DCLK2: variants seen among roughly 807,000 people sequenced by gnomAD.
The protein encoded by DCLK2 is serine/threonine-protein kinase DCLK2.
In DCLK2, 31 loss-of-function variants were observed where a neutral mutation model predicts 78.4. The observed-to-expected ratio is 0.40, with a 90% CI of 0.30 to 0.53. The LOEUF (loss-of-function observed/expected upper bound fraction) is 0.53. DCLK2 is among the 20% of genes least tolerant of loss of function. The pLI is 0.61. For synonymous variants in DCLK2, 407 were observed against 374.9 expected (o/e 1.09, Z -0.99); for missense variants, 872 against 973.7 (o/e 0.90, Z 1.39).
At position 150,256,782 on chromosome 4, in the gene DCLK2, A is replaced by G. The variant is rs942710714; in HGVS notation, c.*535A>G. ...TGGGGGCTAAGAGGACTGGCTTTCT[A>G]ATAGAAGAAGTGAGCGCCTGAGAGG... is the stretch of plus-strand genomic sequence containing the variant. On this transcript the variant is annotated 3_prime_UTR_variant, in exon 16 of 16. Transcript: ENST00000296550. 1 of 152,160 alleles carries G rather than the reference A, an allele frequency of 6.6e-6. No individual in the cohort carries two copies. The highest frequency in any genetic ancestry group is 2.4e-5 in the African/African-American group (1 of 41,332). The allele number at this position is 152,160 out of a possible 1,614,324, so 9.4% of individuals were successfully genotyped here.
intron 13 of DCLK2, 74 bp downstream of exon 13, chr4:150,247,773 C>A: frequency 8.4e-7 from 1 of 1,195,986 alleles, no homozygotes; most frequent in African/African-American, 1.5e-5. Context: ...GCTGTAGCTG[C>A]GCTAGGTATT....
At chr4:150,080,476 A>G (rs550014442) in intron 1 of DCLK2, among the ~76,000 whole-genome samples, 6 of 152,200 alleles carry the variant, frequency 3.9e-5, no homozygotes, top group Admixed American at 3.9e-4. Flanking sequence ...GAACCCAGGT[A>G]TGTGCTGACT....
intron 2 of DCLK2, among the ~76,000 whole-genome samples, chr4:150,145,796 C>T (rs1734429047): frequency 6.6e-6 from 1 of 152,176 alleles, no homozygotes; most frequent in Non-Finnish European, 1.5e-5. Flanking sequence ...AATGCCAGCT[C>T]CTGATCTTTT....
At chr4:150,130,439 AC>A (rs1289734726) in intron 2 of DCLK2, among the ~76,000 whole-genome samples, 1 of 151,984 alleles carries the variant, frequency 6.6e-6, no homozygotes, top group Non-Finnish European at 1.5e-5. Context: ...ACCCAGCCAC[AC>A]CCGTACCCAC....
intron 2 of DCLK2, among the ~76,000 whole-genome samples, chr4:150,138,906 T>C (rs967517033): frequency 5.3e-5 from 8 of 152,132 alleles, no homozygotes; most frequent in Non-Finnish European, 1.2e-4. Context: ...CCTTGTGATC[T>C]GCCCGCCTTG....
intron 5 of DCLK2, among the ~76,000 whole-genome samples, chr4:150,218,366 G>A (rs535774360): frequency 8.5e-5 from 13 of 152,232 alleles, no homozygotes; most frequent in African/African-American, 1.2e-4. Context: ...TAAACACTTC[G>A]ATTAGTTACT....
intron 2 of DCLK2, among the ~76,000 whole-genome samples, chr4:150,181,727 T>C (rs1222330880): frequency 1.3e-5 from 2 of 152,216 alleles, no homozygotes; most frequent in African/African-American, 2.4e-5. Flanking sequence ...TCTGTTTCCA[T>C]GGCAACCACA....
chr4:150,156,161 G>A (rs1249349724), intron 2 of DCLK2, among the ~76,000 whole-genome samples: 1 of 152,154 alleles, frequency 6.6e-6, no homozygotes, highest in African/African-American at 2.4e-5. Context: ...TGCGAAGGAT[G>A]ATGGTGCAAA....
chr4:150,157,663 C>T (rs116085848), intron 2 of DCLK2, among the ~76,000 whole-genome samples: 1,622 of 152,222 alleles, frequency 0.011, 15 homozygotes, highest in Non-Finnish European at 0.017. Flanking sequence ...TAGGCATGTA[C>T]CACCATGCCC....
intron 1 of DCLK2, among the ~76,000 whole-genome samples, chr4:150,088,947 C>T (rs1448035853): frequency 6.6e-6 from 1 of 152,244 alleles, no homozygotes; most frequent in African/African-American, 2.4e-5. Flanking sequence ...CTCCACAATG[C>T]TCTACGTGGG....
chr4:150,187,123 C>A (rs1738016354), intron 2 of DCLK2, among the ~76,000 whole-genome samples: 1 of 152,048 alleles, frequency 6.6e-6, no homozygotes, highest in Non-Finnish European at 1.5e-5. Flanking sequence ...TATACCAAAC[C>A]ATTGCTTTGC....
chr4:150,211,355 A>G (rs918733195), intron 5 of DCLK2, among the ~76,000 whole-genome samples: 1 of 152,172 alleles, frequency 6.6e-6, no homozygotes, highest in Admixed American at 6.5e-5. Flanking sequence ...GAAGCTGTCC[A>G]TTCTGTGACC....
At chr4:150,242,573 A>G (rs1471982302) in intron 12 of DCLK2, among the ~76,000 whole-genome samples, 1 of 152,156 alleles carries the variant, frequency 6.6e-6, no homozygotes, top group Non-Finnish European at 1.5e-5. Context: ...GGATGACCCC[A>G]CTTGCACACC....
chr4:150,179,097 G>A (rs986175897), intron 2 of DCLK2, among the ~76,000 whole-genome samples: 1 of 152,000 alleles, frequency 6.6e-6, no homozygotes, highest in African/African-American at 2.4e-5. Flanking sequence ...GCGCGATCTC[G>A]GCTCACTGCA....
chr4:150,198,124 A>C, intron 4 of DCLK2, 21 bp downstream of exon 4: 2 of 1,588,890 alleles, frequency 1.3e-6, no homozygotes, highest in African/African-American at 1.3e-5. Flanking sequence ...GAAAAGGAAT[A>C]GATGGTCATA....
intron 3 of DCLK2, among the ~76,000 whole-genome samples, chr4:150,196,213 C>T (rs189091617): frequency 4.7e-4 from 71 of 152,196 alleles, no homozygotes; most frequent in Admixed American, 1.3e-3. Flanking sequence ...ACTACATCCT[C>T]GATTAATCGA....
At chr4:150,188,409 A>G (rs1286658309) in intron 2 of DCLK2, among the ~76,000 whole-genome samples, 1 of 152,202 alleles carries the variant, frequency 6.6e-6, no homozygotes, top group East Asian at 1.9e-4. Context: ...TGGAAGTTGC[A>G]GTGAGCCAAG....
intron 2 of DCLK2, among the ~76,000 whole-genome samples, chr4:150,172,456 A>T (rs918560385): frequency 4.0e-5 from 6 of 151,866 alleles, no homozygotes; most frequent in Admixed American, 3.3e-4. Flanking sequence ...ACAAAAAAAA[A>T]ATTAGCCGGG....
At chr4:150,233,968 G>A (rs1419044215) in intron 10 of DCLK2, among the ~76,000 whole-genome samples, 1 of 152,094 alleles carries the variant, frequency 6.6e-6, no homozygotes, top group Non-Finnish European at 1.5e-5. Context: ...GACATAGTTG[G>A]CTTCTTTATT....
Sources: allele counts gnomAD v4.1 joint callset (sites outside exome capture counted in the v4.1 genomes callset), GRCh38; gene constraint gnomAD v4.1.1; transcripts MANE v1.5; gene names NCBI Gene and HGNC (gene_info 2026-07-23, HGNC 2026-07-21).